TBC1D12: variants seen among roughly 807,000 people sequenced by gnomAD.
TBC1D12 encodes the protein TBC1 domain family, member 12.
A neutral mutation model predicts 86.7 loss-of-function variants in TBC1D12; 56 were observed. The observed-to-expected ratio is 0.65, with a 90% CI of 0.52 to 0.81. The LOEUF (loss-of-function observed/expected upper bound fraction) is 0.81, where lower values mean the gene tolerates loss of function less well. Among genes scored for constraint, TBC1D12 ranks in the 30% least tolerant of loss-of-function variants. The probability of loss-of-function intolerance (pLI) is 0.00; values close to 1 mark genes in which losing one functional copy is unlikely to be tolerated. For synonymous variants in TBC1D12, 421 were observed against 411.7 expected, an observed-to-expected ratio of 1.02 and a Z score of -0.27; for missense variants, 1,023 against 1,038.8, an observed-to-expected ratio of 0.98 and a Z score of 0.21.
intron 11 of TBC1D12, among the ~76,000 whole-genome samples, chr10:94,529,627 T>A (rs554958093): frequency 1.3e-5 from 2 of 152,052 alleles, no homozygotes; most frequent in South Asian, 2.1e-4. Context: ...AAAAAAAAAA[T>A]TATTTTTCAA....
At chr10:94,469,846 G>A (rs2055878087) in intron 2 of TBC1D12, among the ~76,000 whole-genome samples, 1 of 152,042 alleles carries the variant, frequency 6.6e-6, no homozygotes, top group Admixed American at 6.6e-5. Flanking sequence ...AGCTTCCTTT[G>A]GGGTCCCCCT....
chr10:94,462,949 G>A (rs920600023), intron 2 of TBC1D12, among the ~76,000 whole-genome samples: 4 of 152,048 alleles, frequency 2.6e-5, no homozygotes, highest in African/African-American at 9.7e-5. Flanking sequence ...TGCTTTGGAT[G>A]TATTTTGCTT....
intron 9 of TBC1D12, among the ~76,000 whole-genome samples, chr10:94,512,649 G>A (rs759480781): frequency 7.9e-5 from 12 of 152,140 alleles, no homozygotes; most frequent in Admixed American, 5.2e-4. Context: ...AGTAAATCAT[G>A]TTATATTAAA....
intron 2 of TBC1D12, among the ~76,000 whole-genome samples, chr10:94,470,712 C>CT (rs1187606730): frequency 0.011 from 980 of 87,672 alleles, 9 homozygotes; most frequent in African/African-American, 0.043. Flanking sequence ...TTTTTTTTTA[C>CT]TTTTTTTTTT....
intron 1 of TBC1D12, among the ~76,000 whole-genome samples, chr10:94,438,234 G>T (rs1247128974): frequency 3.3e-5 from 5 of 151,404 alleles, no homozygotes; most frequent in Admixed American, 2.0e-4. Context: ...TTTTTTGCTT[G>T]TTGAGGGCTG....
At chr10:94,458,625 G>T (rs191586274) in intron 2 of TBC1D12, among the ~76,000 whole-genome samples, 10 of 152,222 alleles carry the variant, frequency 6.6e-5, no homozygotes, top group Admixed American at 6.5e-4. Context: ...AAGATGGTGT[G>T]TCCGGAATTT....
intron 1 of TBC1D12, among the ~76,000 whole-genome samples, chr10:94,407,973 A>G (rs1027771997): frequency 6.6e-6 from 1 of 152,220 alleles, no homozygotes; most frequent in African/African-American, 2.4e-5. Context: ...CTCTTAAAAA[A>G]AGTTCTAAAC....
At chr10:94,514,460 C>T (rs1041257759) in intron 9 of TBC1D12, among the ~76,000 whole-genome samples, 3 of 152,204 alleles carry the variant, frequency 2.0e-5, no homozygotes. Context: ...CTATTCTACT[C>T]TTTGCTTCTA....
intron 2 of TBC1D12, among the ~76,000 whole-genome samples, chr10:94,464,378 A>G (rs1490030649): frequency 6.6e-6 from 1 of 151,616 alleles, no homozygotes; most frequent in African/African-American, 2.4e-5. Context: ...CACCACTATT[A>G]GCTTATTAGC....
intron 1 of TBC1D12, among the ~76,000 whole-genome samples, chr10:94,414,843 G>A (rs944366455): frequency 3.3e-5 from 5 of 151,990 alleles, no homozygotes; most frequent in African/African-American, 1.2e-4. Flanking sequence ...GAAGTGATCC[G>A]CCCACTGCGG....
At chr10:94,532,252 A>G (rs1335855122) in intron 12 of TBC1D12, among the ~76,000 whole-genome samples, 1 of 152,118 alleles carries the variant, frequency 6.6e-6, no homozygotes, top group Non-Finnish European at 1.5e-5. Flanking sequence ...ATCTTGGCTC[A>G]CTACAACCAC....
intron 1 of TBC1D12, among the ~76,000 whole-genome samples, chr10:94,425,210 T>C (rs778282248): frequency 3.3e-5 from 5 of 152,122 alleles, no homozygotes; most frequent in Non-Finnish European, 5.9e-5. Context: ...AGAGATAGCA[T>C]GGGGAGTTTT....
At chr10:94,480,446 A>T (rs1326762434) in intron 3 of TBC1D12, among the ~76,000 whole-genome samples, 2 of 151,782 alleles carry the variant, frequency 1.3e-5, no homozygotes, top group East Asian at 3.9e-4. Context: ...TCTTTTTTTC[A>T]CTTCTAAGAA....
chr10:94,421,680 T>C (rs2055075898), intron 1 of TBC1D12, among the ~76,000 whole-genome samples: 1 of 152,210 alleles, frequency 6.6e-6, no homozygotes. Context: ...AGTTTCTCTA[T>C]GTTCTTGTTA....
chr10:94,477,294 G>A (rs897415988), intron 3 of TBC1D12, among the ~76,000 whole-genome samples: 10 of 152,036 alleles, frequency 6.6e-5, no homozygotes, highest in Non-Finnish European at 1.3e-4. Context: ...TTTTGGTGGG[G>A]GGACGTTATT....
chr10:94,409,568 G>A (rs994130004), intron 1 of TBC1D12, among the ~76,000 whole-genome samples: 19 of 151,820 alleles, frequency 1.3e-4, no homozygotes, highest in Non-Finnish European at 8.8e-5. Context: ...TAGAGACAGG[G>A]TTTTGCCATG....
At chr10:94,444,205 T>G (rs1014397209) in intron 2 of TBC1D12, among the ~76,000 whole-genome samples, 2 of 151,414 alleles carry the variant, frequency 1.3e-5, no homozygotes, top group Non-Finnish European at 2.9e-5. Flanking sequence ...AGAAAACATA[T>G]TTCTTTTTTC....
At chr10:94,422,185 G>GTTTTTTTT (rs57798611) in intron 1 of TBC1D12, among the ~76,000 whole-genome samples, 2 of 106,814 alleles carry the variant, frequency 1.9e-5, no homozygotes, top group African/African-American at 3.5e-5. Context: ...GGTTCATGTA[G>GTTTTTTTT]TTTTTTTTTT....
chr10:94,422,827 C>G (rs552986670), intron 1 of TBC1D12, among the ~76,000 whole-genome samples: 1 of 152,162 alleles, frequency 6.6e-6, no homozygotes. Context: ...CTGTCTCAGC[C>G]TCCCAAGTTG....
Sources: allele counts gnomAD v4.1 joint callset (sites outside exome capture counted in the v4.1 genomes callset), GRCh38; gene constraint gnomAD v4.1.1; transcripts MANE v1.5; gene names NCBI Gene and HGNC (gene_info 2026-07-23, HGNC 2026-07-21).